Variants in GRIP1 observed in about 807,000 individuals in gnomAD.
The protein encoded by GRIP1 is glutamate receptor-interacting protein 1.
Under a neutral mutation model 129.9 loss-of-function variants are expected in GRIP1, and 45 were observed. The observed-to-expected ratio is 0.35, with a 90% CI of 0.27 to 0.44. The LOEUF is 0.44. Among genes scored for constraint, GRIP1 ranks in the 20% least tolerant of loss-of-function variants. GRIP1 has a pLI of 1.00. For synonymous variants in GRIP1, 530 were observed against 520.8 expected (o/e 1.02, Z -0.24); for missense variants, 1,196 against 1,396.8 (o/e 0.86, Z 2.29).
intron 11 of GRIP1, among the ~76,000 whole-genome samples, chr12:66,451,937 C>A (rs2058819743): frequency 6.6e-6 from 1 of 152,182 alleles, no homozygotes; most frequent in South Asian, 2.1e-4. Flanking sequence ...GTTCCCAGGT[C>A]AATAGAAGGG....
At chr12:66,659,367 T>TCAC (rs141928889) in intron 1 of GRIP1, among the ~76,000 whole-genome samples, 112 of 152,372 alleles carry the variant, frequency 7.4e-4, no homozygotes, top group African/African-American at 2.7e-3. Flanking sequence ...GTGTAAACCC[T>TCAC]CACCACCCAG....
At chr12:67,034,772 C>G (rs1406344987) in intron 1 of GRIP1, among the ~76,000 whole-genome samples, 1 of 152,214 alleles carries the variant, frequency 6.6e-6, no homozygotes, top group Non-Finnish European at 1.5e-5. Context: ...TACAACAGCC[C>G]TAGGCAACAG....
intron 7 of GRIP1, among the ~76,000 whole-genome samples, chr12:66,477,269 C>A (rs1389196379): frequency 6.6e-6 from 1 of 152,058 alleles, no homozygotes; most frequent in African/African-American, 2.4e-5. Context: ...GAGTGAACTC[C>A]CATTCACAAT....
chr12:66,535,322 TGA>T (rs912223883), intron 4 of GRIP1, among the ~76,000 whole-genome samples: 6 of 151,970 alleles, frequency 3.9e-5, no homozygotes, highest in Non-Finnish European at 7.3e-5. Context: ...GGCAATGGTT[TGA>T]GAGAGTAATT....
At chr12:67,000,013 T>C (rs979838147) in intron 1 of GRIP1, among the ~76,000 whole-genome samples, 1 of 152,176 alleles carries the variant, frequency 6.6e-6, no homozygotes, top group African/African-American at 2.4e-5. Context: ...TCTTTCTTGA[T>C]TTCAAAATCT....
At chr12:66,453,522 C>T (rs1453720759) in intron 11 of GRIP1, among the ~76,000 whole-genome samples, 1 of 152,184 alleles carries the variant, frequency 6.6e-6, no homozygotes, top group Admixed American at 6.6e-5. Context: ...ACTTTGAGAG[C>T]ACTGTCAAGA....
At chr12:66,697,298 C>T (rs961239475) in intron 1 of GRIP1, among the ~76,000 whole-genome samples, 5 of 152,136 alleles carry the variant, frequency 3.3e-5, no homozygotes, top group African/African-American at 1.2e-4. Flanking sequence ...TGACAATGAC[C>T]TTTCCCTCAC....
intron 1 of GRIP1, among the ~76,000 whole-genome samples, chr12:66,628,735 G>A (rs1267259623): frequency 6.6e-6 from 1 of 152,196 alleles, no homozygotes; most frequent in Non-Finnish European, 1.5e-5. Context: ...AGAGGTTGCT[G>A]TTGGCACCTA....
intron 1 of GRIP1, among the ~76,000 whole-genome samples, chr12:66,859,284 CAAAAAAACAAAAAAACAAAAAA>C (rs1566054636): frequency 4.4e-4 from 4 of 9,046 alleles, no homozygotes; most frequent in East Asian, 6.3e-3. Flanking sequence ...AACAAAAAAA[CAAAAAAACAAAAAAACAAAAAA>C]AAACCAGTAT....
intron 1 of GRIP1, among the ~76,000 whole-genome samples, chr12:66,845,738 C>T (rs1179316754): frequency 1.3e-5 from 2 of 152,134 alleles, no homozygotes; most frequent in East Asian, 1.9e-4. Flanking sequence ...TGAGTATAAT[C>T]AGTAGGTCAA....
chr12:66,711,630 G>T (rs2035715918), intron 1 of GRIP1, among the ~76,000 whole-genome samples: 1 of 151,764 alleles, frequency 6.6e-6, no homozygotes, highest in African/African-American at 2.4e-5. Flanking sequence ...AGTGCACAAA[G>T]ATCCAATCCT....
chr12:66,489,635 G>T (rs1434592029), intron 7 of GRIP1, among the ~76,000 whole-genome samples: 1 of 152,078 alleles, frequency 6.6e-6, no homozygotes, highest in Middle Eastern at 3.2e-3. Flanking sequence ...GCAATAGAAA[G>T]AAATAAAGGG....
At chr12:66,804,855 T>C (rs1227656117), upstream of GRIP1, among the ~76,000 whole-genome samples, 3 of 152,218 alleles carry the variant, frequency 2.0e-5, no homozygotes, top group Non-Finnish European at 4.4e-5. Context: ...AGTGGTTTCA[T>C]CCATATGCAC....
rs563839948 is a variant in GRIP1, at chr12:66,991,256, C to G, written c.58+77794G>C. On this transcript the variant is annotated intron_variant, in intron 1 of 1. Transcript: ENST00000643019. The stretch of plus-strand genomic sequence containing the variant: ...CCACTGCACTCAAGCGTGGGCAACA[C>G]AGCAAGACTCCGTCTCAAAAAAAAA... Among the ~76,000 whole-genome samples, 14 of 152,126 alleles carry G rather than the reference C, an allele frequency of 9.2e-5. No homozygotes were observed. In the South Asian group the frequency reaches 2.7e-3, roughly 29 times the overall value.
At chr12:66,715,159 C>A (rs889477918) in intron 1 of GRIP1, among the ~76,000 whole-genome samples, 24 of 152,180 alleles carry the variant, frequency 1.6e-4, no homozygotes, top group African/African-American at 5.5e-4. Flanking sequence ...CTATTTTCTA[C>A]TGCCAAGGGC....
chr12:66,696,637 A>AAAAC (rs1271561349), intron 1 of GRIP1, among the ~76,000 whole-genome samples: 2 of 151,542 alleles, frequency 1.3e-5, no homozygotes, highest in Admixed American at 1.3e-4. Context: ...CAAAAAACAA[A>AAAAC]AAACAAACAA....
At chr12:66,934,096 G>C (rs1366081483) in intron 1 of GRIP1, among the ~76,000 whole-genome samples, 1 of 151,962 alleles carries the variant, frequency 6.6e-6, no homozygotes, top group African/African-American at 2.4e-5. Flanking sequence ...TCTCCTTTTT[G>C]AAAAGACCTC....
chr12:66,989,020 C>A lies in GRIP1; in HGVS notation c.58+80030G>T, dbSNP rs145974070. Among the ~76,000 whole-genome samples, 15 of 152,246 alleles carry A rather than the reference C, an allele frequency of 9.9e-5. 1 individual carries two copies. Among genetic ancestry groups the A allele is most frequent in the Middle Eastern group, 6.8e-3 (2 of 294 alleles). Reference sequence around the variant, plus strand: ...CACCTGCTGAGCATTTACTATAGAACAGTGCAAAATTCCACCTTCTCAACA... The same window carrying A: ...CACCTGCTGAGCATTTACTATAGAAAAGTGCAAAATTCCACCTTCTCAACA... On this transcript the variant is annotated intron_variant, in intron 1 of 1. Coordinates refer to the GRIP1 transcript ENST00000643019.
chr12:66,954,825 TAGA>T (rs1424752665), intron 1 of GRIP1, among the ~76,000 whole-genome samples: 39 of 151,856 alleles, frequency 2.6e-4, no homozygotes, highest in Non-Finnish European at 2.9e-5. Flanking sequence ...TATAATTTAT[TAGA>T]AGGAGATACG....
Sources: gnomAD v4.1 joint callset for allele counts (sites outside exome capture counted in the v4.1 genomes callset) on GRCh38, gnomAD v4.1.1 for gene constraint, MANE v1.5 for transcripts, NCBI Gene and HGNC (gene_info 2026-07-23, HGNC 2026-07-21) for gene names.